Variants in CBLB observed in about 807,000 individuals in gnomAD.
The protein encoded by CBLB is E3 ubiquitin-protein ligase CBL-B.
A neutral mutation model predicts 104.9 loss-of-function variants in CBLB; 31 were observed. That is an observed-to-expected ratio of 0.30 (90% CI 0.22 to 0.40). The LOEUF is 0.40. Ranked by LOEUF, CBLB falls within the 10% of genes least tolerant of loss-of-function variation. CBLB has a pLI of 1.00. For synonymous variants in CBLB, 440 were observed against 422.6 expected, an observed-to-expected ratio of 1.04 and a Z score of -0.51; for missense variants, 1,062 against 1,214.6, an observed-to-expected ratio of 0.87 and a Z score of 1.87.
intron 4 of CBLB, among the ~76,000 whole-genome samples, chr3:105,754,197 C>T (rs1290970706): frequency 2.0e-5 from 3 of 152,002 alleles, no homozygotes; most frequent in Non-Finnish European, 2.9e-5. Flanking sequence ...TAGAGTACAA[C>T]AACAAAGTCT....
At chr3:105,773,662 G>A (rs912243306) in intron 4 of CBLB, among the ~76,000 whole-genome samples, 5 of 152,136 alleles carry the variant, frequency 3.3e-5, no homozygotes, top group African/African-American at 1.2e-4. Context: ...TGGATTATAA[G>A]TTATTATTCC....
At chr3:105,659,671 C>A (rs2063590329) in intron 18 of CBLB, among the ~76,000 whole-genome samples, 1 of 152,166 alleles carries the variant, frequency 6.6e-6, no homozygotes, top group African/African-American at 2.4e-5. Context: ...ACTTTGTTCA[C>A]AAGCTCACAA....
intron 14 of CBLB, among the ~76,000 whole-genome samples, chr3:105,684,197 G>A (rs925172343): frequency 5.9e-5 from 9 of 152,096 alleles, no homozygotes; most frequent in African/African-American, 7.2e-5. Flanking sequence ...TGGAATGTAG[G>A]GCCACCAGCA....
chr3:105,713,654 T>C (rs959750472), intron 10 of CBLB, among the ~76,000 whole-genome samples: 2 of 152,230 alleles, frequency 1.3e-5, no homozygotes, highest in African/African-American at 4.8e-5. Flanking sequence ...TTGTTTCTTT[T>C]GCTAATCACA....
intron 3 of CBLB, among the ~76,000 whole-genome samples, chr3:105,839,135 A>G (rs1394123897): frequency 6.6e-6 from 1 of 152,170 alleles, no homozygotes; most frequent in Non-Finnish European, 1.5e-5. Flanking sequence ...CTTTACCAAT[A>G]TATGTGCAGA....
At chr3:105,808,459 T>C (rs2083812028) in intron 3 of CBLB, among the ~76,000 whole-genome samples, 1 of 152,170 alleles carries the variant, frequency 6.6e-6, no homozygotes, top group Admixed American at 6.5e-5. Flanking sequence ...GATCTGTGTT[T>C]TCATAATATA....
chr3:105,724,250 C>T (rs537453892), intron 9 of CBLB: 2 of 160,820 alleles, frequency 1.2e-5, no homozygotes, highest in African/African-American at 2.4e-5. Flanking sequence ...ACAAAATGCC[C>T]CAGAGCAGGA....
chr3:105,793,074 C>A (rs1035450861), intron 3 of CBLB, among the ~76,000 whole-genome samples: 5 of 152,104 alleles, frequency 3.3e-5, no homozygotes, highest in African/African-American at 1.2e-4. Flanking sequence ...CATAAATATC[C>A]TTGGAAAATG....
At chr3:105,686,348 C>T (rs749380718) in intron 13 of CBLB, among the ~76,000 whole-genome samples, 5 of 151,874 alleles carry the variant, frequency 3.3e-5, no homozygotes, top group African/African-American at 7.3e-5. Context: ...CACTTTAGGA[C>T]GACCAACTAG....
intron 3 of CBLB, among the ~76,000 whole-genome samples, chr3:105,844,331 C>G (rs933627539): frequency 2.0e-5 from 3 of 152,036 alleles, no homozygotes; most frequent in African/African-American, 7.2e-5. Context: ...TACCGCAGCC[C>G]GAAGAAACAA....
At chr3:105,833,196 T>C (rs2087841552) in intron 3 of CBLB, among the ~76,000 whole-genome samples, 1 of 152,252 alleles carries the variant, frequency 6.6e-6, no homozygotes, top group African/African-American at 2.4e-5. Flanking sequence ...ATTACTTCTC[T>C]AGGTTATAGC....
intron 4 of CBLB, among the ~76,000 whole-genome samples, chr3:105,776,149 AAACTC>A (rs1293478878): frequency 2.0e-5 from 3 of 152,228 alleles, no homozygotes; most frequent in Non-Finnish European, 4.4e-5. Context: ...TTCTCAGAAC[AAACTC>A]AATGAATGCT....
At chr3:105,769,489 A>C (rs1270538703) in intron 4 of CBLB, among the ~76,000 whole-genome samples, 2 of 152,194 alleles carry the variant, frequency 1.3e-5, no homozygotes, top group East Asian at 3.9e-4. Context: ...ATTTTGACAG[A>C]TGTGAGCTCA....
chr3:105,718,803 C>T lies in CBLB; in HGVS notation c.1407+1244G>A, dbSNP rs185539055. 2.0e-3 allele frequency among the ~76,000 whole-genome samples: 301 copies of T among 152,268 alleles called. 2 individuals are homozygous for T. Among genetic ancestry groups the T allele is most frequent in the African/African-American group, 7.0e-3 (292 of 41,550 alleles). On this transcript the variant is annotated intron_variant, in intron 10 of 18. Transcript: ENST00000394030. The stretch of plus-strand genomic sequence containing the variant: ...GCACCATATATGAAGACCTTTCACA[C>T]CACTCAATCCCATTTCTCTGATTTT...
intron 9 of CBLB, among the ~76,000 whole-genome samples, chr3:105,728,822 A>G (rs1409470513): frequency 6.6e-6 from 1 of 152,216 alleles, no homozygotes; most frequent in Non-Finnish European, 1.5e-5. Flanking sequence ...ACACCTCTTC[A>G]GAGGCATGAC....
At position 105,823,926 on chromosome 3, in the gene CBLB, G is replaced by A. The variant is rs2086225404; in HGVS notation, c.419+29488C>T. Reference sequence around the variant, plus strand: ...CCCTCAAACTCAACCCTACCAAGCTGACTCTGAATCTCCCCACTGTGTTCT... The same window carrying A: ...CCCTCAAACTCAACCCTACCAAGCTAACTCTGAATCTCCCCACTGTGTTCT... On this transcript the variant is annotated intron_variant, in intron 3 of 18. Transcript: ENST00000394030. Among the ~76,000 whole-genome samples the A allele has an allele frequency of 2.0e-5, 3 of 152,082 alleles. No individual in the cohort carries two copies. In the South Asian group the frequency reaches 6.2e-4, roughly 32 times the overall value.
chr3:105,668,736 G>C (rs1042969296), intron 18 of CBLB, among the ~76,000 whole-genome samples: 44 of 152,114 alleles, frequency 2.9e-4, no homozygotes, highest in African/African-American at 1.0e-3. Flanking sequence ...TGAGTTACAT[G>C]CAAGCAGTTA....
intron 3 of CBLB, among the ~76,000 whole-genome samples, chr3:105,777,954 A>C (rs943145290): frequency 2.6e-5 from 4 of 152,248 alleles, no homozygotes; most frequent in Non-Finnish European, 5.9e-5. Flanking sequence ...AACACAAAAT[A>C]CTAAATAACT....
intron 3 of CBLB, among the ~76,000 whole-genome samples, chr3:105,813,601 TAA>T (rs2084603192): frequency 1.3e-5 from 2 of 152,220 alleles, no homozygotes; most frequent in East Asian, 3.9e-4. Flanking sequence ...AAATTAAAAT[TAA>T]AAGTCTTTAA....
Sources: allele counts gnomAD v4.1 joint callset (sites outside exome capture counted in the v4.1 genomes callset), GRCh38; gene constraint gnomAD v4.1.1; transcripts MANE v1.5; gene names NCBI Gene and HGNC (gene_info 2026-07-23, HGNC 2026-07-21).